Variants in ROBO2 observed in about 807,000 individuals in gnomAD.
ROBO2 encodes the protein roundabout guidance receptor 2.
Under a neutral mutation model 160.8 loss-of-function variants are expected in ROBO2, and 53 were observed. The ratio of observed to expected loss-of-function variants is 0.33; its 90% confidence interval spans 0.26 to 0.41. The LOEUF (loss-of-function observed/expected upper bound fraction) is 0.41, where lower values mean the gene tolerates loss of function less well. ROBO2 is among the 10% of genes least tolerant of loss of function. The pLI is 1.00. For missense variants in ROBO2, 1,577 were observed against 1,722.4 expected (o/e 0.92, Z 1.49); for synonymous variants, 664 against 611.7 (o/e 1.09, Z -1.26).
intron 2 of ROBO2, among the ~76,000 whole-genome samples, chr3:76,769,019 A>G (rs1182046258): frequency 6.6e-6 from 1 of 151,410 alleles, no homozygotes; most frequent in Admixed American, 6.6e-5. Flanking sequence ...ACCAACAAAA[A>G]CATATGTAGA....
chr3:76,907,266 C>A (rs1448343757), intron 2 of ROBO2, among the ~76,000 whole-genome samples: 1 of 152,214 alleles, frequency 6.6e-6, no homozygotes, highest in African/African-American at 2.4e-5. Context: ...TATGTGAAAT[C>A]ATCAATGTCC....
intron 2 of ROBO2, among the ~76,000 whole-genome samples, chr3:77,334,734 C>CTG (rs1487667690): frequency 8.8e-6 from 1 of 114,162 alleles, no homozygotes; most frequent in Non-Finnish European, 2.4e-5. Flanking sequence ...TTTTCAGGAA[C>CTG]TGTATATATA....
chr3:76,913,060 A>C (rs1296877956), intron 2 of ROBO2, among the ~76,000 whole-genome samples: 2 of 152,324 alleles, frequency 1.3e-5, no homozygotes, highest in South Asian at 4.1e-4. Context: ...GTGGAGGTCC[A>C]GATTGAGTCT....
chr3:75,923,673 G>C (rs145089508), intron 1 of ROBO2, among the ~76,000 whole-genome samples: 1 of 152,166 alleles, frequency 6.6e-6, no homozygotes, highest in African/African-American at 2.4e-5. Flanking sequence ...GTTCAGAGGA[G>C]GAAATAAGGG....
intron 2 of ROBO2, among the ~76,000 whole-genome samples, chr3:77,153,363 T>C (rs1247317707): frequency 6.6e-6 from 1 of 152,138 alleles, no homozygotes; most frequent in Non-Finnish European, 1.5e-5. Context: ...GAATGAAATA[T>C]GGTCATTAAG....
In ROBO2 at chr3:76,960,213, G is replaced by C. The variant is rs150535275; in HGVS notation, c.110-137801G>C. The stretch of plus-strand genomic sequence containing the variant: ...CAAAATCCCAAATAAGATTTGTGTA[G>C]ATTTAGCTATAGTTATTTTTAAACA... On this transcript the variant is annotated intron_variant, in intron 2 of 26. Coordinates refer to the ROBO2 transcript ENST00000487694. Among the ~76,000 whole-genome samples, 464 of 152,138 alleles carry C rather than the reference G, an allele frequency of 3.0e-3. 2 individuals are homozygous for C. The highest frequency in any genetic ancestry group is 4.9e-3 in the Non-Finnish European group (332 of 67,956).
chr3:77,105,324 G>C (rs900068167), intron 2 of ROBO2, among the ~76,000 whole-genome samples: 2 of 152,174 alleles, frequency 1.3e-5, no homozygotes, highest in Non-Finnish European at 2.9e-5. Context: ...GGACCAAAAA[G>C]AATATAGGAG....
intron 24 of ROBO2, 56 bp downstream of exon 26, chr3:77,642,999 A>G (rs2095370270): frequency 2.3e-6 from 1 of 440,718 alleles, no homozygotes; most frequent in South Asian, 1.6e-5. Flanking sequence ...TTTTCCTACC[A>G]GGTATTCTAG....
At chr3:76,858,543 C>T (rs1044981941) in intron 2 of ROBO2, among the ~76,000 whole-genome samples, 8 of 152,184 alleles carry the variant, frequency 5.3e-5, no homozygotes, top group Non-Finnish European at 8.8e-5. Flanking sequence ...GGATTACAAG[C>T]GTGAGCCACG....
intron 2 of ROBO2, among the ~76,000 whole-genome samples, chr3:76,478,660 C>T (rs943061644): frequency 3.3e-5 from 5 of 149,506 alleles, no homozygotes; most frequent in Non-Finnish European, 5.9e-5. Context: ...ATTTATCCAA[C>T]ATCACACACT....
intron 2 of ROBO2, among the ~76,000 whole-genome samples, chr3:76,182,849 G>A (rs536087098): frequency 6.6e-6 from 1 of 152,054 alleles, no homozygotes; most frequent in Non-Finnish European, 1.5e-5. Context: ...TTTCAATTAC[G>A]ATATAATATT....
At chr3:77,533,320 T>C (rs981718323) in intron 6 of ROBO2, among the ~76,000 whole-genome samples, 1 of 152,290 alleles carries the variant, frequency 6.6e-6, no homozygotes, top group South Asian at 2.1e-4. Context: ...GTCAGTTTTC[T>C]ATTGTTGCAT....
At chr3:76,001,497 A>G (rs759357550) in intron 2 of ROBO2, among the ~76,000 whole-genome samples, 7 of 151,838 alleles carry the variant, frequency 4.6e-5, no homozygotes, top group Non-Finnish European at 7.4e-5. Flanking sequence ...TGTAAACTCA[A>G]TCATTTATTT....
intron 2 of ROBO2, among the ~76,000 whole-genome samples, chr3:76,137,408 T>C (rs1187678175): frequency 1.3e-5 from 2 of 152,048 alleles, no homozygotes; most frequent in South Asian, 2.1e-4. Flanking sequence ...TCTCATACAG[T>C]TGTGGACCAA....
intron 2 of ROBO2, among the ~76,000 whole-genome samples, chr3:76,398,133 T>C (rs1318151968): frequency 6.6e-6 from 1 of 152,066 alleles, no homozygotes. Flanking sequence ...CAGCATGGAA[T>C]ACTATGCAGC....
At chr3:76,562,321 A>T (rs1237099643) in intron 2 of ROBO2, among the ~76,000 whole-genome samples, 3 of 152,050 alleles carry the variant, frequency 2.0e-5, no homozygotes, top group Non-Finnish European at 4.4e-5. Context: ...GCAGATAGTA[A>T]CAGCCAATAA....
In ROBO2 at chr3:76,141,405, T is replaced by C. The variant is rs114842719; in HGVS notation, c.109+203803T>C. Among the ~76,000 whole-genome samples the C allele has an allele frequency of 1.5e-3, 220 of 150,522 alleles. 3 individuals carry two copies. The highest frequency in any genetic ancestry group is 5.3e-3 in the African/African-American group (216 of 40,960). On this transcript the variant is annotated intron_variant, in intron 2 of 26. Coordinates refer to the ROBO2 transcript ENST00000487694. Reference sequence around the variant, plus strand: ...ACCTCAGCATCACGCAATATACCCATGTAACAAACCTGCAGATGTACCCAC... The same window carrying C: ...ACCTCAGCATCACGCAATATACCCACGTAACAAACCTGCAGATGTACCCAC...
chr3:76,888,850 C>A (rs1282653561), intron 2 of ROBO2, among the ~76,000 whole-genome samples: 1 of 152,158 alleles, frequency 6.6e-6, no homozygotes, highest in African/African-American at 2.4e-5. Context: ...ATCCTCTAAT[C>A]TCTGTGCAAC....
intron 2 of ROBO2, among the ~76,000 whole-genome samples, chr3:76,767,828 A>G (rs1180000315): frequency 6.6e-6 from 1 of 151,530 alleles, no homozygotes; most frequent in African/African-American, 2.4e-5. Flanking sequence ...ACAGAAAGCC[A>G]TTGACGTGCT....
Sources: gnomAD v4.1 joint callset for allele counts (sites outside exome capture counted in the v4.1 genomes callset) on GRCh38, gnomAD v4.1.1 for gene constraint, MANE v1.5 for transcripts, NCBI Gene and HGNC (gene_info 2026-07-23, HGNC 2026-07-21) for gene names.